The following NDUFA13 variants were observed in gnomAD, a reference collection of about 807,000 sequenced individuals.
The protein encoded by NDUFA13 is NADH:ubiquinone oxidoreductase subunit A13.
In NDUFA13, 16 loss-of-function variants were observed where a neutral mutation model predicts 17.0. The ratio of observed to expected loss-of-function variants is 0.94; its 90% CI spans 0.64 to 1.43. NDUFA13 has a LOEUF of 1.43. Among genes scored for constraint, NDUFA13 ranks in the 40% most tolerant of loss-of-function variants. NDUFA13 has a pLI of 0.00. For missense variants in NDUFA13, 228 were observed against 206.7 expected (o/e 1.10, Z -0.63); for synonymous variants, 87 against 78.4 (o/e 1.11, Z -0.58).
intron 1 of NDUFA13, among the ~76,000 whole-genome samples, chr19:19,518,931 A>C (rs1034534100): frequency 6.6e-6 from 1 of 150,960 alleles, no homozygotes; most frequent in Non-Finnish European, 1.5e-5. Context: ...TTTAGTAGAG[A>C]TGGGGTTTCT....
chr19:19,516,551 C>T (rs543318970), intron 1 of NDUFA13, among the ~76,000 whole-genome samples: 4 of 152,350 alleles, frequency 2.6e-5, no homozygotes, highest in Admixed American at 2.6e-4. Flanking sequence ...ATCGGTCCCT[C>T]TAGTTATTTA....
chr19:19,527,085 C>T (rs1030623833), intron 2 of NDUFA13, among the ~76,000 whole-genome samples, 196 bp from the exon 3 acceptor site: 2 of 152,234 alleles, frequency 1.3e-5, no homozygotes, highest in African/African-American at 4.8e-5. Context: ...TGCCTGCACC[C>T]GCCCTCCTCT....
chr19:19,518,276 C>T (rs750204447), intron 1 of NDUFA13, among the ~76,000 whole-genome samples: 53 of 151,746 alleles, frequency 3.5e-4, no homozygotes, highest in Admixed American at 6.6e-4. Flanking sequence ...ATTCTGTCAC[C>T]CAGGCTAGAG....
intron 3 of NDUFA13, 73 bp from the exon 4 acceptor site, chr19:19,527,628 C>A: frequency 8.1e-7 from 1 of 1,228,080 alleles, no homozygotes; most frequent in East Asian, 2.5e-5. Flanking sequence ...TGAAGGGGTG[C>A]TACTAGGGGC....
At chr19:19,527,165 T>TA in intron 2 of NDUFA13, 116 bp from the exon 3 acceptor site, 1 of 470,784 alleles carries the variant, frequency 2.1e-6, no homozygotes. Flanking sequence ...CCTGCCTGCC[T>TA]CCCCGCCCCC....
chr19:19,522,404 A>G (rs1053963898), intron 1 of NDUFA13, among the ~76,000 whole-genome samples: 1 of 150,538 alleles, frequency 6.6e-6, no homozygotes, highest in African/African-American at 2.4e-5. Context: ...ACCTAGTTTG[A>G]GGTCACAGAG....
At chr19:19,522,477 C>CTTTTTTTTTTTTTTTTTTTT (rs3067694) in intron 1 of NDUFA13, among the ~76,000 whole-genome samples, 7 of 95,016 alleles carry the variant, frequency 7.4e-5, no homozygotes, top group Non-Finnish European at 9.7e-5. Context: ...GTCTTTGATC[C>CTTTTTTTTTTTTTTTTTTTT]TTTTTTTTTT....
chr19:19,526,135 G>C, intron 1 of NDUFA13, 47 bp from the exon 2 acceptor site: 1 of 1,605,530 alleles, frequency 6.2e-7, no homozygotes, highest in Non-Finnish European at 8.5e-7. Flanking sequence ...TGTGGAGGAG[G>C]GTGTCTGGGG....
chr19:19,527,167 C>A, intron 2 of NDUFA13, 114 bp from the exon 3 acceptor site: 1 of 1,054,442 alleles, frequency 9.5e-7, no homozygotes, highest in Non-Finnish European at 1.4e-6. Context: ...TGCCTGCCTC[C>A]CCGCCCCCCT....
At chr19:19,519,771 T>TCTCCCTCTGTCCTCCC (rs1015271382) in intron 1 of NDUFA13, among the ~76,000 whole-genome samples, 2 of 152,080 alleles carry the variant, frequency 1.3e-5, no homozygotes, top group African/African-American at 4.8e-5. Context: ...CCCTGCCTCC[T>TCTCCCTCTGTCCTCCC]CTCCCTCTGT....
chr19:19,525,133 G>A, intron 1 of NDUFA13, among the ~76,000 whole-genome samples: 1 of 152,218 alleles, frequency 6.6e-6, no homozygotes, highest in Non-Finnish European at 1.5e-5. Context: ...AGCTGGCCCT[G>A]AGCACCCTGG....
At chr19:19,522,105 G>A (rs1312961746) in intron 1 of NDUFA13, among the ~76,000 whole-genome samples, 1 of 151,966 alleles carries the variant, frequency 6.6e-6, no homozygotes, top group Non-Finnish European at 1.5e-5. Flanking sequence ...AGGAGTTTGA[G>A]ACCAGCCTGG....
chr19:19,526,034 G>A, intron 1 of NDUFA13, 148 bp from the exon 2 acceptor site: 1 of 1,516,030 alleles, frequency 6.6e-7, no homozygotes. Context: ...GAAAACCCCT[G>A]GCATGGGGGC....
chr19:19,522,335 A>C lies in NDUFA13; in HGVS notation c.95-3847A>C, dbSNP rs977088282. ...TACATGTATAATAATAATTTCAATG[A>C]AGTCCAATTTCTGTATTTTTCCTTT... On this transcript the variant is annotated intron_variant, in intron 1 of 4. Transcript: ENST00000507754. 9.2e-5 allele frequency among the ~76,000 whole-genome samples: 14 copies of C among 152,024 alleles called. 1 individual carries two copies. In the South Asian group the frequency reaches 2.9e-3, roughly 32 times the overall value.
At chr19:19,524,919 C>G in intron 1 of NDUFA13, among the ~76,000 whole-genome samples, 1 of 152,162 alleles carries the variant, frequency 6.6e-6, no homozygotes, top group Admixed American at 6.5e-5. Flanking sequence ...CACCTGGGGT[C>G]CCAGTTACTC....
chr19:19,516,342 A>G lies in NDUFA13; in HGVS notation c.94+10A>G, dbSNP rs1448274514. The G allele has an allele frequency of 6.2e-7, 1 of 1,611,906 alleles. No individual in the cohort carries two copies. The highest frequency in any genetic ancestry group is 8.5e-7 in the Non-Finnish European group (1 of 1,179,772). On this transcript the variant is annotated intron_variant, in intron 1 of 4. Coordinates refer to ENST00000507754, the MANE Select transcript of NDUFA13 (RefSeq NM_015965.7). Reference sequence around the variant, plus strand: ...CGTCGAGGACTGTCGGGTCAGTATCACTCTGCGCCGGGGTCTCAGAGTCTG... The same window carrying G: ...CGTCGAGGACTGTCGGGTCAGTATCGCTCTGCGCCGGGGTCTCAGAGTCTG...
intron 1 of NDUFA13, among the ~76,000 whole-genome samples, chr19:19,524,576 T>TG (rs1555726735): frequency 6.6e-6 from 1 of 152,078 alleles, no homozygotes; most frequent in Non-Finnish European, 1.5e-5. Flanking sequence ...TGCCAGCACT[T>TG]GCAGGTGGAT....
chr19:19,523,648 C>T (rs1295424946), intron 1 of NDUFA13, among the ~76,000 whole-genome samples: 2 of 151,996 alleles, frequency 1.3e-5, no homozygotes, highest in South Asian at 2.1e-4. Context: ...TATTTTGGGC[C>T]GGGCATGGTG....
intron 1 of NDUFA13, among the ~76,000 whole-genome samples, chr19:19,524,820 TAAAAA>T (rs959319761): frequency 6.7e-6 from 1 of 150,222 alleles, no homozygotes; most frequent in African/African-American, 2.5e-5. Flanking sequence ...ATAAATTAAT[TAAAAA>T]AAAGAAAAGA....
Sources: gnomAD v4.1 joint callset for allele counts (sites outside exome capture counted in the v4.1 genomes callset) on GRCh38, gnomAD v4.1.1 for gene constraint, MANE v1.5 for transcripts, NCBI Gene and HGNC (gene_info 2026-07-23, HGNC 2026-07-21) for gene names.